Variants in ANXA2 observed in about 807,000 individuals in gnomAD.
ANXA2 encodes the protein annexin A2, also known as annexin II.
A neutral mutation model predicts 47.3 loss-of-function variants in ANXA2; 28 were observed. The ratio of observed to expected loss-of-function variants is 0.59; its 90% CI spans 0.44 to 0.81. The LOEUF (loss-of-function observed/expected upper bound fraction) is 0.81, where lower values mean the gene tolerates loss of function less well. Ranked by LOEUF, ANXA2 falls within the 40% of genes least tolerant of loss-of-function variation. The pLI, the probability that ANXA2 is intolerant of heterozygous loss-of-function variation, is 0.00. For synonymous variants in ANXA2, 172 were observed against 155.5 expected (o/e 1.11, Z -0.79); for missense variants, 384 against 414.3 (o/e 0.93, Z 0.64).
chr15:60,390,393 A>G (rs1356539623), intron 1 of ANXA2: 3 of 642,872 alleles, frequency 4.7e-6, no homozygotes, highest in Non-Finnish European at 7.6e-6. Context: ...CCTAAAACCC[A>G]CTGGGCTTTC....
At chr15:60,384,545 A>T (rs190156157) in intron 2 of ANXA2, 1 of 152,364 alleles carries the variant, frequency 6.6e-6, no homozygotes, top group Admixed American at 6.5e-5. Flanking sequence ...CAGAGGCTAC[A>T]CAAAAAGCCC....
chr15:60,393,437 C>T, intron 1 of ANXA2: 1 of 1,004,214 alleles, frequency 1.0e-6, no homozygotes, highest in Non-Finnish European at 1.2e-6. Flanking sequence ...CAGGGCCTGG[C>T]CGCCTACAGA....
At chr15:60,356,852 C>T (rs1245229852) in intron 6 of ANXA2, among the ~76,000 whole-genome samples, 2 of 152,180 alleles carry the variant, frequency 1.3e-5, no homozygotes, top group Non-Finnish European at 2.9e-5. Flanking sequence ...ATACTTGCTA[C>T]TTCTCCTCAT....
In ANXA2 at chr15:60,357,784, A is replaced by T. The variant is rs143718065; in HGVS notation, c.358-548T>A. Among the ~76,000 whole-genome samples the T allele has an allele frequency of 3.8e-3, 567 of 150,322 alleles. 3 individuals are homozygous for T. Among genetic ancestry groups the T allele is most frequent in the Middle Eastern group, 0.014 (4 of 288 alleles). ...ACTCCAGCCTGGACGACAGAGTAAG[A>T]CCCCATCTCAAAAAAAAAAAAAAGT... On this transcript the variant is annotated intron_variant, in intron 5 of 12. Coordinates refer to ENST00000451270, the MANE Select transcript of ANXA2 (RefSeq NM_004039.3).
chr15:60,356,331 A>C (rs1566932492), intron 6 of ANXA2, among the ~76,000 whole-genome samples: 1 of 152,010 alleles, frequency 6.6e-6, no homozygotes, highest in Non-Finnish European at 1.5e-5. Flanking sequence ...ACATCAAAAA[A>C]ATTGGAGGTC....
intron 4 of ANXA2, chr15:60,361,353 C>T (rs1341884215): frequency 2.8e-6 from 1 of 352,750 alleles, no homozygotes; most frequent in Non-Finnish European, 5.4e-6. Flanking sequence ...AGAGTGCAGG[C>T]ACTTTGCAAT....
Position 60,349,334 on chromosome 15 carries a change from T to C in ANXA2, c.838-137A>G, listed in dbSNP as rs1237518714. The stretch of plus-strand genomic sequence containing the variant: ...ATCCAAAACTTTTTCAGTGCCGACA[T>C]GATGCCACAATGAAAAATTCCACAT... On this transcript the variant is annotated intron_variant, in intron 11 of 12. Coordinates refer to ENST00000451270, the MANE Select transcript of ANXA2 (RefSeq NM_004039.3). The C allele has an allele frequency of 4.8e-6, 4 of 831,256 alleles. No homozygotes were observed. In the East Asian group the frequency reaches 1.1e-4, roughly 22 times the overall value. 51.5% of individuals were successfully genotyped at this position (831,256 alleles called of 1,614,324 possible).
intron 3 of ANXA2, chr15:60,374,564 T>C (rs1294192672): frequency 2.2e-6 from 1 of 455,710 alleles, no homozygotes; most frequent in African/African-American, 2.0e-5. Context: ...GAGCTAACTG[T>C]TTTTTAAAAA....
At chr15:60,360,148 C>T (rs573338944) in intron 5 of ANXA2, among the ~76,000 whole-genome samples, 4 of 152,108 alleles carry the variant, frequency 2.6e-5, no homozygotes, top group South Asian at 2.1e-4. Context: ...CCCAGCTACT[C>T]GGGATGCTGA....
chr15:60,361,948 C>A (rs1417442626), intron 4 of ANXA2, among the ~76,000 whole-genome samples: 1 of 149,314 alleles, frequency 6.7e-6, no homozygotes, highest in Non-Finnish European at 1.5e-5. Flanking sequence ...TCCTTGCTTT[C>A]TAAGAGCACC....
intron 1 of ANXA2, chr15:60,386,319 G>A (rs867388935): frequency 4.1e-6 from 2 of 492,074 alleles, no homozygotes; most frequent in Non-Finnish European, 3.6e-6. Context: ...CTTCCTCTGT[G>A]TAAACAGAAC....
At chr15:60,356,816 C>T (rs557232144) in intron 6 of ANXA2, among the ~76,000 whole-genome samples, 14 of 152,190 alleles carry the variant, frequency 9.2e-5, no homozygotes, top group African/African-American at 3.1e-4. Flanking sequence ...CACTGAACAG[C>T]GCCCAATAAG....
chr15:60,349,281 G>C (rs1209752305), intron 11 of ANXA2, 84 bp from the exon 12 acceptor site: 1 of 1,486,352 alleles, frequency 6.7e-7, no homozygotes, highest in Non-Finnish European at 9.2e-7. Context: ...TCCCTGATCT[G>C]AAAATCTGAA....
rs1168432154 is a variant in ANXA2 at position 60,386,045 on chromosome 15, G to A, written c.31C>T (p.Leu11Phe). 5 of 1,612,694 alleles carry A rather than the reference G, an allele frequency of 3.1e-6. No individual in the cohort carries two copies. In the Admixed American group the frequency reaches 8.4e-5, roughly 27 times the overall value. Residue 11 changes from leucine to phenylalanine, a missense_variant, in exon 2 of 13, where the codon CTC becomes TTC. Physicochemically the swap from Leu to Phe is conservative, Grantham distance 22. Coordinates refer to ENST00000451270, the MANE Select transcript of ANXA2 (RefSeq NM_004039.3). ...ATACTTACATCACCCTCCAAGCTGA[G>A]CTTGCACAGGATTTCGTGAACAGTA... Reference protein sequence around the residue: MSTVHEILCKLSLEGDHSTPP... With the variant: MSTVHEILCKFSLEGDHSTPP...
At chr15:60,366,866 C>A in intron 3 of ANXA2, among the ~76,000 whole-genome samples, 1 of 108,040 alleles carries the variant, frequency 9.3e-6, no homozygotes, top group African/African-American at 3.6e-5. Context: ...AGCCCCCCGC[C>A]CGGCCGGCCG....
At chr15:60,347,746 C>T in intron 12 of ANXA2, 57 bp from the exon 13 acceptor site, 1 of 1,460,454 alleles carries the variant, frequency 6.8e-7, no homozygotes, top group South Asian at 1.1e-5. Context: ...CCAGACTCCT[C>T]AATAACACAG....
At chr15:60,351,891 T>C in intron 9 of ANXA2, 72 bp from the exon 10 acceptor site, 1 of 1,024,418 alleles carries the variant, frequency 9.8e-7, no homozygotes, top group Non-Finnish European at 1.5e-6. Flanking sequence ...CCCACCTAGT[T>C]TTATGCACCA....
chr15:60,395,577 C>G (rs2063070954), intron 1 of ANXA2: 1 of 152,196 alleles, frequency 6.6e-6, no homozygotes, highest in South Asian at 2.1e-4. Context: ...AGAAGCACAT[C>G]TACTTTGCCA....
chr15:60,386,333 G>T, intron 1 of ANXA2: 1 of 432,904 alleles, frequency 2.3e-6, no homozygotes, highest in Non-Finnish European at 4.1e-6. Context: ...ACAGAACCTG[G>T]GGAGACTGAT....
Sources: allele counts gnomAD v4.1 joint callset (sites outside exome capture counted in the v4.1 genomes callset), GRCh38; gene constraint gnomAD v4.1.1; transcripts MANE v1.5; gene names NCBI Gene and HGNC (gene_info 2026-07-23, HGNC 2026-07-21).